MGRN1: variants seen among roughly 807,000 people sequenced by gnomAD.
MGRN1 encodes the protein mahogunin ring finger 1.
Under a neutral mutation model 69.2 loss-of-function variants are expected in MGRN1, and 29 were observed. The ratio of observed to expected loss-of-function variants is 0.42; its 90% CI spans 0.31 to 0.57. MGRN1 has a LOEUF of 0.57. Ranked by LOEUF, MGRN1 falls within the 20% of genes least tolerant of loss-of-function variation. MGRN1 has a pLI of 0.15. For missense variants in MGRN1, 998 were observed against 796.2 expected, an observed-to-expected ratio of 1.25 and a Z score of -3.05; for synonymous variants, 470 against 344.2, an observed-to-expected ratio of 1.37 and a Z score of -4.04.
In MGRN1 at chr16:4,689,870, A is replaced by T. The variant is rs1034553138; in HGVS notation, c.*962A>T. The T allele has an allele frequency of 6.6e-6, 1 of 150,716 alleles. No individual in the cohort carries two copies. Among genetic ancestry groups the T allele is most frequent in the African/African-American group, 2.5e-5 (1 of 40,776 alleles). 9.3% of individuals were successfully genotyped at this position (150,716 alleles called of 1,614,324 possible). A position where few individuals can be genotyped will look rare whatever the true frequency, so the allele number is the denominator to read the frequency against. On this transcript the variant is annotated 3_prime_UTR_variant, in exon 17 of 17. Coordinates refer to ENST00000262370, the MANE Select transcript of MGRN1 (RefSeq NM_015246.4). ...AACCTCCGCCTCCCGGGTTCAAGTG[A>T]TCGTCCTGCCTTAGGCTCCTGAGTA...
chr16:4,642,157 G>T (rs1015461267), intron 1 of MGRN1, among the ~76,000 whole-genome samples: 1 of 137,040 alleles, frequency 7.3e-6, no homozygotes. Flanking sequence ...AAAAAAGACC[G>T]TCTTGCTCTT....
chr16:4,657,235 G>T lies in MGRN1; in HGVS notation c.444-11G>T. ...GCCGCAGCCTCACTGCTTGCTCCTG[G>T]CTCCCTGCAGATACAGCCCCAAGAG... is the stretch of plus-strand genomic sequence containing the variant. On this transcript the variant is annotated splice_polypyrimidine_tract_variant and intron_variant, in intron 4 of 16. Transcript: ENST00000262370. 6.2e-7 allele frequency: 1 copy of T among 1,611,864 alleles called. No homozygotes were observed. The highest frequency in any genetic ancestry group is 8.5e-7 in the Non-Finnish European group (1 of 1,178,178).
rs2078095641 is a variant in MGRN1, at chr16:4,638,949, C to T, written c.89-11416C>T. Among the ~76,000 whole-genome samples, 8 of 152,156 alleles carry T rather than the reference C, an allele frequency of 5.3e-5. No homozygotes were observed. In the South Asian group the frequency reaches 1.7e-3, roughly 31 times the overall value. ...GGCAGACATGCTGGGTGTCTTCATT[C>T]ACATCCTGGCTTACTTCCCATGGCT... On this transcript the variant is annotated intron_variant, in intron 1 of 16. Coordinates refer to ENST00000262370, the MANE Select transcript of MGRN1 (RefSeq NM_015246.4).
In MGRN1 at chr16:4,667,193, G is replaced by T. The variant is rs1198513359; in HGVS notation, c.679-1072G>T. Among the ~76,000 whole-genome samples the T allele has an allele frequency of 2.0e-5, 3 of 152,230 alleles. No homozygotes were observed. In the South Asian group the frequency reaches 6.2e-4, roughly 31 times the overall value. On this transcript the variant is annotated intron_variant, in intron 7 of 16. Transcript: ENST00000262370. The stretch of plus-strand genomic sequence containing the variant: ...GCTCTCCACCCACCTCCAGCCCCAT[G>T]TGCAGCCGCAGCCCCTGAGAGCTCT...
intron 16 of MGRN1, among the ~76,000 whole-genome samples, chr16:4,685,802 G>C (rs557944054): frequency 1.3e-5 from 2 of 152,356 alleles, no homozygotes; most frequent in East Asian, 3.9e-4. Flanking sequence ...GTTTCTCATA[G>C]GGGTGCAGCC....
At chr16:4,661,698 A>C (rs2078685365) in intron 5 of MGRN1, among the ~76,000 whole-genome samples, 1 of 152,222 alleles carries the variant, frequency 6.6e-6, no homozygotes, top group South Asian at 2.1e-4. Context: ...AGCCCCCAGC[A>C]TCAGTGTCTC....
intron 10 of MGRN1, among the ~76,000 whole-genome samples, chr16:4,674,728 C>T (rs1174335998): frequency 1.4e-5 from 2 of 146,278 alleles, no homozygotes; most frequent in East Asian, 4.0e-4. Context: ...GCAAGCTCCG[C>T]TTCCCGGGTT....
At chr16:4,670,667 C>T (rs930913215) in intron 8 of MGRN1, among the ~76,000 whole-genome samples, 3 of 152,204 alleles carry the variant, frequency 2.0e-5, no homozygotes, top group African/African-American at 7.2e-5. Flanking sequence ...CCAGCCTGGG[C>T]AATGTAGCGA....
chr16:4,661,527 G>T (rs1382671312), intron 5 of MGRN1, among the ~76,000 whole-genome samples: 1 of 152,256 alleles, frequency 6.6e-6, no homozygotes, highest in African/African-American at 2.4e-5. Context: ...GCCAAATGGG[G>T]AAACTGAGGC....
At chr16:4,651,230 A>C (rs2141880672) in intron 2 of MGRN1, 1 of 152,406 alleles carries the variant, frequency 6.6e-6, no homozygotes, top group South Asian at 2.1e-4. Flanking sequence ...GGCACATTCG[A>C]GTACTGTCAT....
intron 16 of MGRN1, among the ~76,000 whole-genome samples, chr16:4,684,307 C>G (rs893461282): frequency 4.6e-5 from 7 of 152,260 alleles, no homozygotes; most frequent in Non-Finnish European, 7.3e-5. Flanking sequence ...GGGATCACCA[C>G]ATGTTCCCCC....
intron 16 of MGRN1, chr16:4,688,433 A>G: frequency 9.5e-7 from 1 of 1,052,532 alleles, no homozygotes. Context: ...ACCCAGCCGT[A>G]AGAACCTTGG....
intron 1 of MGRN1, among the ~76,000 whole-genome samples, chr16:4,645,029 GA>G (rs1207582593): frequency 6.6e-6 from 1 of 151,732 alleles, no homozygotes; most frequent in Non-Finnish European, 1.5e-5. Context: ...AAAGATAAAG[GA>G]AAAAATTAAT....
intron 1 of MGRN1, chr16:4,633,957 T>TA (rs1304058325): frequency 6.6e-6 from 1 of 152,182 alleles, no homozygotes; most frequent in Non-Finnish European, 1.5e-5. Flanking sequence ...GACCTCGTGA[T>TA]AAAAATTTTT....
intron 3 of MGRN1, 59 bp downstream of exon 3, chr16:4,652,110 G>A (rs895712748): frequency 7.8e-6 from 12 of 1,543,082 alleles, no homozygotes; most frequent in Admixed American, 1.8e-5. Context: ...CTGTGGTGGA[G>A]GTTCTGGCTT....
intron 1 of MGRN1, among the ~76,000 whole-genome samples, chr16:4,640,955 C>T (rs1340409260): frequency 2.0e-5 from 3 of 152,218 alleles, no homozygotes; most frequent in African/African-American, 7.2e-5. Context: ...TTGTCTGCCC[C>T]TCTTTCCTTG....
At chr16:4,670,251 T>C (rs1217715231) in intron 8 of MGRN1, among the ~76,000 whole-genome samples, 3 of 151,972 alleles carry the variant, frequency 2.0e-5, no homozygotes, top group Non-Finnish European at 4.4e-5. Flanking sequence ...TTATTTTGTT[T>C]TGTATTTTTG....
intron 1 of MGRN1, among the ~76,000 whole-genome samples, chr16:4,643,671 A>G (rs1369132975): frequency 6.6e-6 from 1 of 152,096 alleles, no homozygotes; most frequent in African/African-American, 2.4e-5. Flanking sequence ...CGCGCCTGGC[A>G]AAAATCTTGT....
intron 1 of MGRN1, chr16:4,640,092 C>G (rs764995707): frequency 7.2e-5 from 11 of 152,350 alleles, no homozygotes; most frequent in African/African-American, 2.2e-4. Flanking sequence ...TTCAGTGATT[C>G]GGAATGTCCC....
Sources: allele counts gnomAD v4.1 joint callset (sites outside exome capture counted in the v4.1 genomes callset), GRCh38; gene constraint gnomAD v4.1.1; transcripts MANE v1.5; gene names NCBI Gene and HGNC (gene_info 2026-07-23, HGNC 2026-07-21).